The following BAZ1A variants were observed in gnomAD, a reference collection of about 807,000 sequenced individuals.
BAZ1A encodes bromodomain adjacent to zinc finger domain 1A.
BAZ1A carries 50 observed loss-of-function variants against 185.2 expected under a neutral mutation model. The ratio of observed to expected loss-of-function variants is 0.27; its 90% CI spans 0.22 to 0.34. BAZ1A has a LOEUF of 0.34. BAZ1A is among the 10% of genes least tolerant of loss of function. The pLI is 1.00. For synonymous variants in BAZ1A, 571 were observed against 615.6 expected, an observed-to-expected ratio of 0.93 and a Z score of 1.07; for missense variants, 1,356 against 1,839.9, an observed-to-expected ratio of 0.74 and a Z score of 4.81.
chr14:34,832,954 T>C (rs922827739), intron 3 of BAZ1A, among the ~76,000 whole-genome samples: 14 of 152,192 alleles, frequency 9.2e-5, no homozygotes, highest in African/African-American at 3.4e-4. Flanking sequence ...AACTGTGGTA[T>C]ATACATATAA....
chr14:34,773,437 T>A, intron 20 of BAZ1A, 135 bp downstream of exon 20: 1 of 734,056 alleles, frequency 1.4e-6, no homozygotes, highest in Non-Finnish European at 2.1e-6. Context: ...GTCCAATGGT[T>A]ACAAATATCA....
rs971140248 is a variant in BAZ1A at position 34,800,288 on chromosome 14, A to T, written c.1064T>A (p.Ile355Asn). Residue 355 changes from isoleucine (I) to asparagine (N), a missense_variant, in exon 9 of 27, where the codon ATT (isoleucine) becomes AAT (asparagine). By Grantham distance (149) the Ile-to-Asn change is moderately radical. Coordinates refer to ENST00000360310, the MANE Select transcript of BAZ1A (RefSeq NM_013448.3). ...KEKKREELKK[I>N]VEEERLKKKE... ...TTTCTTTAGTCTCTCTTCTTCAACA[A>T]TTTTTTTCAATTCTTCCCTCTTTTT... is the stretch of plus-strand genomic sequence containing the variant. The T allele has an allele frequency of 1.4e-6, 2 of 1,463,928 alleles. No individual in the cohort carries two copies. 90.7% of individuals were successfully genotyped at this position (1,463,928 alleles called of 1,614,324 possible).
chr14:34,805,392 A>T (rs1413545637), intron 6 of BAZ1A, among the ~76,000 whole-genome samples: 1 of 152,202 alleles, frequency 6.6e-6, no homozygotes, highest in Non-Finnish European at 1.5e-5. Context: ...TCCTTGGTGA[A>T]ATATTTGCTG....
chr14:34,824,005 A>T (rs1438046248), intron 4 of BAZ1A, among the ~76,000 whole-genome samples: 1 of 152,014 alleles, frequency 6.6e-6, no homozygotes, highest in Non-Finnish European at 1.5e-5. Context: ...AATCCCACAA[A>T]TTTTGCATCC....
At chr14:34,840,890 A>G (rs1424839626) in intron 3 of BAZ1A, among the ~76,000 whole-genome samples, 1 of 152,188 alleles carries the variant, frequency 6.6e-6, no homozygotes, top group Non-Finnish European at 1.5e-5. Flanking sequence ...GGGGAGCTCA[A>G]ACATAACCTT....
At chr14:34,862,419 C>T (rs2042783278) in intron 2 of BAZ1A, 97 bp from the exon 3 acceptor site, 2 of 1,397,080 alleles carry the variant, frequency 1.4e-6, no homozygotes, top group South Asian at 3.0e-5. Flanking sequence ...ATTTTTGTGC[C>T]TTTAATGCAA....
At position 34,753,467 on chromosome 14, in the gene BAZ1A, C is replaced by A. The variant is rs1247604253; in HGVS notation, c.*41G>T. ...TGATTTAATGTTCCATTTTCATGAA[C>A]AATTTGTTTTTCTTCAAATATATCC... On this transcript the variant is annotated 3_prime_UTR_variant, in exon 27 of 27. Transcript: ENST00000360310. The A allele has an allele frequency of 1.3e-6, 2 of 1,597,708 alleles. No homozygotes were observed. Among genetic ancestry groups the A allele is most frequent in the African/African-American group, 2.7e-5 (2 of 74,782 alleles).
chr14:34,769,295 G>A (rs1879056215), intron 21 of BAZ1A, among the ~76,000 whole-genome samples: 1 of 152,064 alleles, frequency 6.6e-6, no homozygotes, highest in Non-Finnish European at 1.5e-5. Context: ...AACTTTTTAT[G>A]GAGCAGCAAC....
chr14:34,859,541 G>A (rs1194522548), intron 3 of BAZ1A, among the ~76,000 whole-genome samples: 4 of 151,946 alleles, frequency 2.6e-5, no homozygotes, highest in Non-Finnish European at 4.4e-5. Flanking sequence ...GCTATTGGTT[G>A]AAAAAATTTA....
intron 3 of BAZ1A, among the ~76,000 whole-genome samples, chr14:34,858,050 C>T (rs1466276922): frequency 6.6e-6 from 1 of 152,070 alleles, no homozygotes. Flanking sequence ...AGCAATACAG[C>T]GAACAAAAAT....
At chr14:34,808,975 T>A (rs577197222) in intron 5 of BAZ1A, among the ~76,000 whole-genome samples, 1 of 152,296 alleles carries the variant, frequency 6.6e-6, no homozygotes, top group South Asian at 2.1e-4. Context: ...TCAAAAGTAT[T>A]TGGAGAAAAT....
At chr14:34,784,962 T>C in intron 14 of BAZ1A, among the ~76,000 whole-genome samples, 1 of 152,204 alleles carries the variant, frequency 6.6e-6, no homozygotes. Context: ...GTTCAAGCGA[T>C]TCTCCTGCCT....
intron 4 of BAZ1A, among the ~76,000 whole-genome samples, chr14:34,825,660 G>A (rs1344557091): frequency 1.3e-5 from 2 of 151,856 alleles, no homozygotes; most frequent in Non-Finnish European, 2.9e-5. Context: ...TATTTCAGCT[G>A]GGTGCGGTGG....
At chr14:34,860,319 G>A (rs1344181823) in intron 3 of BAZ1A, among the ~76,000 whole-genome samples, 1 of 151,142 alleles carries the variant, frequency 6.6e-6, no homozygotes, top group Admixed American at 6.6e-5. Context: ...AGCTGCTGGG[G>A]CAACATGGTG....
intron 24 of BAZ1A, among the ~76,000 whole-genome samples, chr14:34,759,894 C>T (rs900722706): frequency 2.6e-5 from 4 of 152,078 alleles, no homozygotes; most frequent in African/African-American, 9.7e-5. Context: ...AGGCTGGTCT[C>T]CAACTCCTCA....
Position 34,786,603 on chromosome 14 carries a change from G to GTTTTTTT in BAZ1A, c.1511-383_1511-382insAAAAAAA, listed in dbSNP as rs542523340. 5.1e-3 allele frequency: 549 copies of GTTTTTTT among 106,848 alleles called. 91 individuals are homozygous for GTTTTTTT. Among genetic ancestry groups the GTTTTTTT allele is most frequent in the South Asian group, 8.3e-3 (25 of 3,018 alleles). 6.6% of individuals were successfully genotyped at this position (106,848 alleles called of 1,614,324 possible). A position where few individuals can be genotyped will look rare whatever the true frequency, so the allele number is the denominator to read the frequency against. On this transcript the variant is annotated intron_variant, in intron 12 of 26. Coordinates refer to ENST00000360310, the MANE Select transcript of BAZ1A (RefSeq NM_013448.3). Reference sequence around the variant, plus strand: ...TTAAAGATACTCCAATCTTTTATGTGTGTTTTTTTTTTTTTTTTTTTTGAG... The same window carrying GTTTTTTT: ...TTAAAGATACTCCAATCTTTTATGTGTTTTTTTTGTTTTTTTTTTTTTTTTTTTTGAG...
At chr14:34,758,620 CAG>C in intron 25 of BAZ1A, 82 bp downstream of exon 25, 1 of 1,331,268 alleles carries the variant, frequency 7.5e-7, no homozygotes, top group Non-Finnish European at 1.0e-6. Context: ...CAGTGAGTAA[CAG>C]GTGTTTTGAC....
chr14:34,800,305 CCT>C lies in BAZ1A; in HGVS notation c.1045_1046del (p.Arg349GlyfsTer8), dbSNP rs1217179522. On this transcript the variant is annotated frameshift_variant, in exon 9 of 27. Transcript: ENST00000360310. LOFTEE classifies it high-confidence loss of function. ...CTTCAACAATTTTTTTCAATTCTTC[CCT>C]CTTTTTCTCTTTATCTTCTTTTTCT... ...KKEKEDKEKK[R>X]EELKKIVEEE... 1 of 1,489,276 alleles carries C rather than the reference CCT, an allele frequency of 6.7e-7. No individual in the cohort carries two copies. The highest frequency in any genetic ancestry group is 2.3e-5 in the East Asian group (1 of 42,566). 92.3% of individuals were successfully genotyped at this position (1,489,276 alleles called of 1,614,324 possible).
chr14:34,785,265 CA>C (rs1880366215), intron 14 of BAZ1A, among the ~76,000 whole-genome samples: 1 of 152,038 alleles, frequency 6.6e-6, no homozygotes, highest in Admixed American at 6.5e-5. Context: ...AAAGACTGCA[CA>C]AAAAAACCAC....
Sources: gnomAD v4.1 joint callset for allele counts (sites outside exome capture counted in the v4.1 genomes callset) on GRCh38, gnomAD v4.1.1 for gene constraint, MANE v1.5 for transcripts, NCBI Gene and HGNC (gene_info 2026-07-23, HGNC 2026-07-21) for gene names.